ROCK1: variants seen among roughly 807,000 people sequenced by gnomAD.
The protein encoded by ROCK1 is rho-associated protein kinase 1.
In ROCK1, 36 loss-of-function variants were observed where a neutral mutation model predicts 196.8. The observed-to-expected ratio is 0.18, with a 90% CI of 0.14 to 0.24. The LOEUF (loss-of-function observed/expected upper bound fraction) is 0.24. ROCK1 is among the 10% of genes least tolerant of loss of function. The pLI is 1.00. For missense variants in ROCK1, 920 were observed against 1,562.0 expected, an observed-to-expected ratio of 0.59 and a Z score of 6.93; for synonymous variants, 443 against 515.9, an observed-to-expected ratio of 0.86 and a Z score of 1.91.
intron 29 of ROCK1, among the ~76,000 whole-genome samples, chr18:20,959,527 TC>T (rs2035306284): frequency 6.6e-6 from 1 of 151,304 alleles, no homozygotes; most frequent in Non-Finnish European, 1.5e-5. Flanking sequence ...TCAAATATTT[TC>T]TATCCACAGT....
At chr18:21,076,310 C>G (rs1018128026) in intron 1 of ROCK1, among the ~76,000 whole-genome samples, 4 of 152,068 alleles carry the variant, frequency 2.6e-5, no homozygotes, top group African/African-American at 9.7e-5. Flanking sequence ...TCAAGACCAG[C>G]CTGGCTAATA....
At chr18:21,103,641 C>T (rs1323245913) in intron 1 of ROCK1, among the ~76,000 whole-genome samples, 3 of 151,776 alleles carry the variant, frequency 2.0e-5, no homozygotes, top group Non-Finnish European at 4.4e-5. Context: ...GCCGAGGTCC[C>T]TCTCTGTTGC....
chr18:21,091,549 G>C (rs1280243145), intron 1 of ROCK1, among the ~76,000 whole-genome samples: 5 of 152,148 alleles, frequency 3.3e-5, no homozygotes, highest in Non-Finnish European at 7.3e-5. Context: ...GTTGCAGTGA[G>C]TCAAGATCAT....
Position 20,968,857 on chromosome 18 carries a change from T to C in ROCK1, c.2918A>G (p.Tyr973Cys). 6.3e-7 allele frequency: 1 copy of C among 1,578,006 alleles called. No individual in the cohort carries two copies. Among genetic ancestry groups the C allele is most frequent in the East Asian group, 2.2e-5 (1 of 44,680 alleles). Residue 973 changes from tyrosine to cysteine, a missense_variant, in exon 25 of 33, where the codon TAT becomes TGT. Transcript: ENST00000399799. ...GATCTCCTCCTCCTTCTCCAGTTTA[T>C]ATTCTGTCAACAAATTATATTAAAT... ...TEKMKKAEEE[Y>C]KLEKEEEISN... is the part of the protein sequence containing the mutation.
chr18:20,953,721 T>G lies in ROCK1; in HGVS notation c.3918A>C (p.Lys1306Asn). ...TCTTTACTAAATGAGTTACCCATTT[T>G]TTTTGTTCATCCTGAGAACATGCTA... ...LLLACSQDEQKKWVTHLVKKI... is the reference protein window; with the variant it reads ...LLLACSQDEQNKWVTHLVKKI... The change falls in exon 32 of 33, where the codon AAA becomes AAC. Residue 1306 changes from lysine to asparagine, a missense_variant. Transcript: ENST00000399799. 1 of 1,550,964 alleles carries G rather than the reference T, an allele frequency of 6.4e-7. No individual in the cohort carries two copies.
Position 20,968,794 on chromosome 18 carries a change from G to A in ROCK1, c.2981C>T (p.Thr994Ile). The A allele has an allele frequency of 1.2e-6, 2 of 1,604,982 alleles. No homozygotes were observed. The highest frequency in any genetic ancestry group is 1.7e-4 in the Middle Eastern group (1 of 6,048). The change falls in exon 25 of 33, where the codon ACT (threonine) becomes ATT (isoleucine). Residue 994 changes from threonine to isoleucine, a missense_variant. By Grantham distance (89) the Thr-to-Ile change is moderately conservative. Around this residue, in one of 6 missense-constraint regions of ROCK1, gnomAD observed 520 missense variants for 657.1 expected, o/e 0.79. Transcript: ENST00000399799. ...LKAAFEKNIN[T>I]ERTLKTQAVN... The stretch of plus-strand genomic sequence containing the variant: ...TACCTGTGTTTTAAGGGTTCGTTCA[G>A]TGTTGATATTCTTTTCAAAGGCAGC...
At chr18:21,026,697 T>A (rs1482196372) in intron 10 of ROCK1, among the ~76,000 whole-genome samples, 1 of 152,072 alleles carries the variant, frequency 6.6e-6, no homozygotes, top group Admixed American at 6.6e-5. Context: ...TTAACTTGAA[T>A]GGCTCTTACA....
chr18:21,006,804 GAAT>G lies in ROCK1; in HGVS notation c.1547-17_1547-15del. On this transcript the variant is annotated splice_polypyrimidine_tract_variant and intron_variant, in intron 14 of 32. Coordinates refer to ENST00000399799, the MANE Select transcript of ROCK1 (RefSeq NM_005406.3). The stretch of plus-strand genomic sequence containing the variant: ...TTAATGTAGAAACTAGAAAATGAAA[GAAT>G]AATATATAGAAATTACAACATTTTC... 2.1e-6 allele frequency: 3 copies of G among 1,448,412 alleles called. No homozygotes were observed. The highest frequency in any genetic ancestry group is 1.3e-5 in the South Asian group (1 of 79,892). 89.7% of individuals were successfully genotyped at this position (1,448,412 alleles called of 1,614,324 possible). A position where few individuals can be genotyped will look rare whatever the true frequency, so the allele number is the denominator to read the frequency against.
intron 27 of ROCK1, among the ~76,000 whole-genome samples, chr18:20,965,345 C>T (rs772333777): frequency 2.0e-5 from 3 of 152,064 alleles, no homozygotes; most frequent in Non-Finnish European, 4.4e-5. Context: ...CAAGATCACG[C>T]CACTGCACTC....
chr18:21,077,741 A>C (rs528600646), intron 1 of ROCK1, among the ~76,000 whole-genome samples: 9 of 152,168 alleles, frequency 5.9e-5, no homozygotes, highest in Admixed American at 2.6e-4. Flanking sequence ...ATCTCATGTG[A>C]GTTTCATCCT....
intron 2 of ROCK1, among the ~76,000 whole-genome samples, chr18:21,054,389 T>A (rs2036229853): frequency 6.6e-6 from 1 of 152,166 alleles, no homozygotes; most frequent in South Asian, 2.1e-4. Flanking sequence ...GTGGGTGAGA[T>A]TTGGCCTGTG....
chr18:21,089,133 C>A (rs2036550112), intron 1 of ROCK1, among the ~76,000 whole-genome samples: 1 of 152,102 alleles, frequency 6.6e-6, no homozygotes, highest in African/African-American at 2.4e-5. Context: ...GCAACCTCCA[C>A]TGGTTCAAGA....
intron 29 of ROCK1, among the ~76,000 whole-genome samples, chr18:20,958,608 C>G (rs1169565390): frequency 2.4e-4 from 36 of 150,980 alleles, no homozygotes; most frequent in African/African-American, 8.5e-4. Flanking sequence ...TAATAATGAC[C>G]AAAGAATCCT....
intron 23 of ROCK1, 47 bp from the exon 24 acceptor site, chr18:20,969,255 T>C (rs1205592168): frequency 7.5e-6 from 9 of 1,193,636 alleles, no homozygotes; most frequent in Non-Finnish European, 1.1e-5. Flanking sequence ...TTTGCTATTC[T>C]CGTATTTCAG....
intron 9 of ROCK1, among the ~76,000 whole-genome samples, chr18:21,038,489 T>C (rs2036076542): frequency 6.6e-6 from 1 of 152,158 alleles, no homozygotes; most frequent in Non-Finnish European, 1.5e-5. Context: ...AATTGTTCTT[T>C]TAAAATATTT....
intron 27 of ROCK1, 32 bp from the exon 28 acceptor site, chr18:20,960,238 T>C: frequency 7.8e-7 from 1 of 1,277,580 alleles, no homozygotes; most frequent in South Asian, 1.2e-5. Context: ...TATTAGTCAG[T>C]CTTAAATTGT....
chr18:20,951,282 A>G lies in ROCK1; in HGVS notation c.*102T>C. The G allele has an allele frequency of 9.7e-7, 1 of 1,036,048 alleles. No individual in the cohort carries two copies. The highest frequency in any genetic ancestry group is 1.7e-5 in the South Asian group (1 of 58,732). The allele number at this position is 1,036,048 out of a possible 1,614,324, so 64.2% of individuals were successfully genotyped here. ...AGCAATCTTAACCCTGAAGCCTGTG[A>G]TATTTGTGTCAAAGAAACAGCCTGT... is the stretch of plus-strand genomic sequence containing the variant. On this transcript the variant is annotated 3_prime_UTR_variant, in exon 33 of 33. Transcript: ENST00000399799.
intron 1 of ROCK1, among the ~76,000 whole-genome samples, chr18:21,085,742 T>C (rs2036521130): frequency 6.6e-6 from 1 of 152,254 alleles, no homozygotes; most frequent in African/African-American, 2.4e-5. Flanking sequence ...AGTAGTCATG[T>C]GATCTTGAGC....
chr18:20,985,432 T>C (rs148268293), intron 19 of ROCK1, among the ~76,000 whole-genome samples: 142 of 152,288 alleles, frequency 9.3e-4, no homozygotes, highest in African/African-American at 3.3e-3. Flanking sequence ...TGTTTTATCC[T>C]CCTTCATTTA....
Sources: gnomAD v4.1 joint callset for allele counts (sites outside exome capture counted in the v4.1 genomes callset) on GRCh38, gnomAD v4.1.1 for gene constraint, gnomAD v4.1.1 regional missense constraint, MANE v1.5 for transcripts, NCBI Gene and HGNC (gene_info 2026-07-23, HGNC 2026-07-21) for gene names.